Variants in GPALPP1 observed in about 807,000 individuals in gnomAD.
The protein encoded by GPALPP1 is GPALPP motifs containing 1.
GPALPP1 carries 30 observed loss-of-function variants against 38.9 expected under a neutral mutation model. That is an observed-to-expected ratio of 0.77 (90% CI 0.58 to 1.05). GPALPP1 has a LOEUF of 1.05. Among genes scored for constraint, GPALPP1 ranks in the 50% least tolerant of loss-of-function variants. The pLI is 0.00. For synonymous variants in GPALPP1, 120 were observed against 139.2 expected, an observed-to-expected ratio of 0.86 and a Z score of 0.97; for missense variants, 384 against 408.8, an observed-to-expected ratio of 0.94 and a Z score of 0.52.
At chr13:44,993,362 A>AC (rs949056476) in intron 1 of GPALPP1, among the ~76,000 whole-genome samples, 18 of 152,312 alleles carry the variant, frequency 1.2e-4, no homozygotes, top group South Asian at 8.3e-4. Flanking sequence ...GAGGCCGGGC[A>AC]CGGTGACTCA....
intron 4 of GPALPP1, among the ~76,000 whole-genome samples, chr13:45,011,011 GTCT>G (rs1369205962): frequency 6.6e-6 from 1 of 152,014 alleles, no homozygotes. Flanking sequence ...AAAAGAAAAG[GTCT>G]TCTTATCTGA....
At chr13:45,026,305 C>T (rs1160178615) in intron 7 of GPALPP1, among the ~76,000 whole-genome samples, 1 of 152,142 alleles carries the variant, frequency 6.6e-6, no homozygotes, top group Non-Finnish European at 1.5e-5. Flanking sequence ...ATCTTTTGTA[C>T]ATTCTGCTAA....
rs530205758 is a variant in GPALPP1, at chr13:45,028,336, G to C, written c.*333G>C. The C allele has an allele frequency of 6.3e-6, 1 of 159,816 alleles. No homozygotes were observed. Among genetic ancestry groups the C allele is most frequent in the Non-Finnish European group, 1.4e-5 (1 of 73,694 alleles). 9.9% of individuals were successfully genotyped at this position (159,816 alleles called of 1,614,324 possible). A position where few individuals can be genotyped will look rare whatever the true frequency, so the allele number is the denominator to read the frequency against. ...ATTAAAGATGAAGAAAGGCTTGCTG[G>C]TTGTTTGTATGTTAAACAAAATCCC... is the stretch of plus-strand genomic sequence containing the variant. On this transcript the variant is annotated 3_prime_UTR_variant, in exon 8 of 8. Transcript: ENST00000379151.
At chr13:45,010,428 T>C (rs147707428) in intron 4 of GPALPP1, among the ~76,000 whole-genome samples, 36 of 152,344 alleles carry the variant, frequency 2.4e-4, no homozygotes, top group Admixed American at 9.2e-4. Context: ...TGCTTCTTTT[T>C]GTTTATTGTT....
In GPALPP1 at chr13:45,016,584, C is replaced by A. The variant is rs543316191; in HGVS notation, c.705+988C>A. ...AGGAATTAAACCAGTATCCCCAGTA[C>A]TACTCCTTCAATTTAATCCATCTGT... On this transcript the variant is annotated intron_variant, in intron 6 of 7. Transcript: ENST00000379151. 6.6e-5 allele frequency among the ~76,000 whole-genome samples: 10 copies of A among 152,272 alleles called. No homozygotes were observed. In the South Asian group the frequency reaches 1.9e-3, roughly 28 times the overall value.
chr13:45,019,604 CTTTT>C (rs751928407), intron 6 of GPALPP1, among the ~76,000 whole-genome samples: 2 of 126,596 alleles, frequency 1.6e-5, no homozygotes, highest in Admixed American at 1.6e-4. Context: ...CACAATTTTT[CTTTT>C]TTTTTTTTTT....
intron 1 of GPALPP1, among the ~76,000 whole-genome samples, chr13:44,996,398 G>A (rs1873276622): frequency 6.6e-6 from 1 of 151,876 alleles, no homozygotes; most frequent in South Asian, 2.1e-4. Flanking sequence ...GGATTTATGG[G>A]GGTTGGAGAA....
At chr13:45,008,704 A>C (rs1874268743) in intron 3 of GPALPP1, 91 bp from the exon 4 acceptor site, 4 of 639,224 alleles carry the variant, frequency 6.3e-6, no homozygotes, top group Non-Finnish European at 1.1e-5. Flanking sequence ...AACATTTGTC[A>C]CTATTTGGCT....
chr13:44,997,494 A>T (rs1873376180), intron 1 of GPALPP1, among the ~76,000 whole-genome samples: 1 of 151,922 alleles, frequency 6.6e-6, no homozygotes, highest in Non-Finnish European at 1.5e-5. Context: ...ATCTGCAGTG[A>T]CCTTCACCTC....
At chr13:45,001,039 C>A (rs543480384) in intron 1 of GPALPP1, among the ~76,000 whole-genome samples, 1 of 152,088 alleles carries the variant, frequency 6.6e-6, no homozygotes, top group Non-Finnish European at 1.5e-5. Flanking sequence ...TGGCTATGTC[C>A]CCACCCAAAT....
chr13:45,030,390 T>G (rs530503567), downstream of GPALPP1: 1 of 152,306 alleles, frequency 6.6e-6, no homozygotes, highest in Admixed American at 6.5e-5. Context: ...TTATTTTTGT[T>G]TTTTTGAGAG....
At position 45,030,070 on chromosome 13, in the gene GPALPP1, T is replaced by C. The variant is rs1484402160; in HGVS notation, c.*2067T>C. The C allele has an allele frequency of 6.6e-6, 1 of 152,130 alleles. No individual in the cohort carries two copies. The highest frequency in any genetic ancestry group is 1.5e-5 in the Non-Finnish European group (1 of 68,010). 9.4% of individuals were successfully genotyped at this position (152,130 alleles called of 1,614,324 possible). On this transcript the variant is annotated 3_prime_UTR_variant, in exon 8 of 8. Coordinates refer to ENST00000379151, the MANE Select transcript of GPALPP1 (RefSeq NM_018559.5). ...GTAGCTAATTTATGGGGTCATATCT[T>C]TTTTTTAGCTAATTTACGGGGGTCA...
chr13:44,993,813 CT>C (rs71070951), intron 1 of GPALPP1, among the ~76,000 whole-genome samples: 97,147 of 146,392 alleles, frequency 0.66, 34,749 homozygotes, highest in Non-Finnish European at 0.81. Context: ...TTCTGTTTGT[CT>C]TTTTTTTTTT....
Position 44,998,874 on chromosome 13 carries a change from A to G in GPALPP1, c.89-5431A>G, listed in dbSNP as rs148107312. The stretch of plus-strand genomic sequence containing the variant: ...CAACCAACTCTAGATTGAAAGTACA[A>G]TATTCAAGGGAAGTGGAACCAAGGC... On this transcript the variant is annotated intron_variant, in intron 1 of 7. Transcript: ENST00000379151. 3.0e-3 allele frequency among the ~76,000 whole-genome samples: 458 copies of G among 152,336 alleles called. 14 individuals are homozygous for G. Among genetic ancestry groups the G allele is most frequent in the Admixed American group, 0.028 (425 of 15,302 alleles).
At chr13:45,033,215 C>G (rs890452093), downstream of GPALPP1, 1 of 152,112 alleles carries the variant, frequency 6.6e-6, no homozygotes, top group Admixed American at 6.5e-5. Flanking sequence ...TATCACTTCT[C>G]TTTTCATTTT....
intron 7 of GPALPP1, among the ~76,000 whole-genome samples, chr13:45,021,359 C>T (rs1012846845): frequency 4.6e-5 from 7 of 152,136 alleles, no homozygotes; most frequent in Middle Eastern, 3.2e-3. Flanking sequence ...TGACCAAAAA[C>T]GTAGCCACTT....
At position 45,029,266 on chromosome 13, in the gene GPALPP1, G is replaced by C. The variant is rs1025620404; in HGVS notation, c.*1263G>C. On this transcript the variant is annotated 3_prime_UTR_variant, in exon 8 of 8. Coordinates refer to ENST00000379151, the MANE Select transcript of GPALPP1 (RefSeq NM_018559.5). The stretch of plus-strand genomic sequence containing the variant: ...GGATTTCCCTGTGCAATGAAGAAAA[G>C]TTGAAGAATACTCTTTGTCCATCTT... 4 of 152,090 alleles carry C rather than the reference G, an allele frequency of 2.6e-5. No homozygotes were observed. The highest frequency in any genetic ancestry group is 5.9e-5 in the Non-Finnish European group (4 of 68,020). 9.4% of individuals were successfully genotyped at this position (152,090 alleles called of 1,614,324 possible). A position where few individuals can be genotyped will look rare whatever the true frequency, so the allele number is the denominator to read the frequency against.
chr13:45,000,687 A>G (rs914968550), intron 1 of GPALPP1, among the ~76,000 whole-genome samples: 6 of 152,234 alleles, frequency 3.9e-5, no homozygotes, highest in Non-Finnish European at 7.3e-5. Flanking sequence ...AGAATCAAGA[A>G]GATGAAAAGA....
chr13:45,013,521 A>T (rs1241937885), intron 4 of GPALPP1, among the ~76,000 whole-genome samples: 1 of 152,220 alleles, frequency 6.6e-6, no homozygotes, highest in Non-Finnish European at 1.5e-5. Context: ...ACTTTGTAAT[A>T]TTTTGTAAAC....
Sources: gnomAD v4.1 joint callset for allele counts (sites outside exome capture counted in the v4.1 genomes callset) on GRCh38, gnomAD v4.1.1 for gene constraint, MANE v1.5 for transcripts, NCBI Gene and HGNC (gene_info 2026-07-23, HGNC 2026-07-21) for gene names.